Variants in SNTG1 observed in about 807,000 individuals in gnomAD.
SNTG1 encodes the protein syntrophin gamma 1.
Under a neutral mutation model 74.7 loss-of-function variants are expected in SNTG1, and 39 were observed. The ratio of observed to expected loss-of-function variants is 0.52; its 90% confidence interval spans 0.40 to 0.68. SNTG1 has a LOEUF of 0.68. Among genes scored for constraint, SNTG1 ranks in the 30% least tolerant of loss-of-function variants. The pLI is 0.00. For synonymous variants in SNTG1, 254 were observed against 217.1 expected (o/e 1.17, Z -1.49); for missense variants, 685 against 609.5 (o/e 1.12, Z -1.30).
At chr8:49,983,703 G>T (rs1351821148) in intron 1 of SNTG1, among the ~76,000 whole-genome samples, 1 of 152,176 alleles carries the variant, frequency 6.6e-6, no homozygotes, top group African/African-American at 2.4e-5. Context: ...CCCCAGAGAG[G>T]GCTGGGATGG....
At chr8:49,957,057 A>G (rs1810246350) in intron 1 of SNTG1, among the ~76,000 whole-genome samples, 1 of 152,206 alleles carries the variant, frequency 6.6e-6, no homozygotes, top group African/African-American at 2.4e-5. Flanking sequence ...TTACAAGATG[A>G]GTAAGTTAAT....
At chr8:50,676,563 T>A (rs769707885) in intron 15 of SNTG1, among the ~76,000 whole-genome samples, 1 of 151,966 alleles carries the variant, frequency 6.6e-6, no homozygotes, top group Non-Finnish European at 1.5e-5. Context: ...TTCTTTGCAT[T>A]GTGTTAAAAC....
intron 2 of SNTG1, among the ~76,000 whole-genome samples, chr8:50,229,035 T>C (rs1347459616): frequency 6.6e-6 from 1 of 151,658 alleles, no homozygotes; most frequent in East Asian, 1.9e-4. Flanking sequence ...AAGGTCCCTA[T>C]ACAAGTAAAG....
At chr8:50,661,150 A>G (rs1421833441) in intron 15 of SNTG1, among the ~76,000 whole-genome samples, 1 of 152,202 alleles carries the variant, frequency 6.6e-6, no homozygotes, top group Non-Finnish European at 1.5e-5. Flanking sequence ...AAAATGCAGA[A>G]AAAGCCACTG....
chr8:50,684,713 TTTTG>T (rs1051880938), intron 15 of SNTG1, among the ~76,000 whole-genome samples: 2 of 148,556 alleles, frequency 1.3e-5, no homozygotes, highest in African/African-American at 4.9e-5. Context: ...TTTTCTTTTT[TTTTG>T]TTTTTGTTTT....
At chr8:50,633,564 C>G (rs940768105) in intron 13 of SNTG1, among the ~76,000 whole-genome samples, 3 of 152,194 alleles carry the variant, frequency 2.0e-5, no homozygotes, top group Admixed American at 2.0e-4. Flanking sequence ...CTTTCAACTT[C>G]TGGGCCCTCA....
intron 9 of SNTG1, among the ~76,000 whole-genome samples, chr8:50,505,114 A>G (rs1406680779): frequency 6.6e-6 from 1 of 152,168 alleles, no homozygotes; most frequent in Non-Finnish European, 1.5e-5. Flanking sequence ...AGCTTATTTC[A>G]TTTAGCATAA....
In SNTG1 at chr8:49,912,020, G is replaced by C. The variant is rs1189060098; in HGVS notation, c.-314G>C. The C allele has an allele frequency of 6.6e-6, 1 of 152,332 alleles. No homozygotes were observed. Among genetic ancestry groups the C allele is most frequent in the Admixed American group, 6.5e-5 (1 of 15,276 alleles). 9.4% of individuals were successfully genotyped at this position (152,332 alleles called of 1,614,324 possible). A position where few individuals can be genotyped will look rare whatever the true frequency, so the allele number is the denominator to read the frequency against. The stretch of plus-strand genomic sequence containing the variant: ...GGGGTCTGGGAGGAATTCTGGAGGA[G>C]AGTAAAGTCGAAGTTCTTAGAAGCT... On this transcript the variant is annotated 5_prime_UTR_variant, in exon 1 of 19. Transcript: ENST00000642720.
At chr8:50,060,121 A>G (rs1820348628) in intron 1 of SNTG1, among the ~76,000 whole-genome samples, 1 of 152,064 alleles carries the variant, frequency 6.6e-6, no homozygotes, top group Non-Finnish European at 1.5e-5. Flanking sequence ...GCATCTTTGT[A>G]TGTGCTTTTT....
Position 50,685,239 on chromosome 8 carries a change from T to G in SNTG1, c.1039-19361T>G, listed in dbSNP as rs73569471. On this transcript the variant is annotated intron_variant, in intron 15 of 18. Transcript: ENST00000642720. ...TAACCTTGCTTTTCCTCCAAGAGATTGGTTAATGTATTTGTTTCTGAATGA... is the reference window on the plus strand; with the variant it reads ...TAACCTTGCTTTTCCTCCAAGAGATGGGTTAATGTATTTGTTTCTGAATGA... 2.6e-3 allele frequency among the ~76,000 whole-genome samples: 394 copies of G among 152,232 alleles called. 1 individual carries two copies. The highest frequency in any genetic ancestry group is 9.1e-3 in the African/African-American group (377 of 41,546).
chr8:50,620,164 C>T (rs188587245), intron 13 of SNTG1, among the ~76,000 whole-genome samples: 1 of 152,270 alleles, frequency 6.6e-6, no homozygotes, highest in Admixed American at 6.5e-5. Context: ...GATCTGAGGT[C>T]CCGATTTCCT....
intron 13 of SNTG1, among the ~76,000 whole-genome samples, chr8:50,644,688 C>T (rs1420265049): frequency 6.6e-6 from 1 of 152,016 alleles, no homozygotes; most frequent in Non-Finnish European, 1.5e-5. Flanking sequence ...GGATTTCTGT[C>T]CCAAACTCCT....
intron 1 of SNTG1, among the ~76,000 whole-genome samples, chr8:50,018,290 C>T (rs1403979779): frequency 6.6e-6 from 1 of 152,008 alleles, no homozygotes; most frequent in Non-Finnish European, 1.5e-5. Context: ...AATAAAGACA[C>T]TGAGGTATTG....
intron 2 of SNTG1, among the ~76,000 whole-genome samples, chr8:50,280,422 G>A (rs1428669522): frequency 1.3e-5 from 2 of 152,180 alleles, no homozygotes; most frequent in African/African-American, 4.8e-5. Flanking sequence ...CTACATAGCT[G>A]TAAACAAAAA....
At chr8:50,126,924 C>G (rs2081160126) in intron 1 of SNTG1, among the ~76,000 whole-genome samples, 1 of 152,092 alleles carries the variant, frequency 6.6e-6, no homozygotes, top group Admixed American at 6.6e-5. Context: ...GCTTTTTCCT[C>G]AGGAGCATAC....
chr8:50,308,480 G>C (rs1312976260), intron 2 of SNTG1, among the ~76,000 whole-genome samples: 9 of 151,814 alleles, frequency 5.9e-5, no homozygotes, highest in Admixed American at 5.9e-4. Context: ...CATTGTTGTA[G>C]ATGTTGCCCA....
intron 12 of SNTG1, among the ~76,000 whole-genome samples, chr8:50,560,538 A>G (rs761964620): frequency 1.7e-4 from 26 of 152,268 alleles, no homozygotes; most frequent in Non-Finnish European, 8.8e-5. Context: ...CTATACAGTC[A>G]TAGAAAGGAA....
chr8:50,695,576 T>C (rs1027259980), intron 15 of SNTG1, among the ~76,000 whole-genome samples: 2 of 151,776 alleles, frequency 1.3e-5, no homozygotes, highest in African/African-American at 4.8e-5. Context: ...GAGCTTCTAG[T>C]GCGCCTATTA....
At chr8:50,648,355 C>T (rs1476646117) in intron 13 of SNTG1, among the ~76,000 whole-genome samples, 5 of 152,084 alleles carry the variant, frequency 3.3e-5, no homozygotes, top group Non-Finnish European at 7.4e-5. Flanking sequence ...GAGTCTCGAA[C>T]ATATTCTTTT....
Sources: gnomAD v4.1 joint callset for allele counts (sites outside exome capture counted in the v4.1 genomes callset) on GRCh38, gnomAD v4.1.1 for gene constraint, MANE v1.5 for transcripts, NCBI Gene and HGNC (gene_info 2026-07-23, HGNC 2026-07-21) for gene names.